Variants in TRPV4 observed in about 807,000 individuals in gnomAD.
TRPV4 encodes the protein transient receptor potential cation channel subfamily V member 4.
In TRPV4, 58 loss-of-function variants were observed where a neutral mutation model predicts 84.1. The observed-to-expected ratio is 0.69, with a 90% CI of 0.56 to 0.86. TRPV4 has a LOEUF of 0.86. TRPV4 is among the 40% of genes least tolerant of loss of function. The probability of loss-of-function intolerance (pLI) is 0.00; values close to 1 mark genes in which losing one functional copy is unlikely to be tolerated. For missense variants in TRPV4, 879 were observed against 1,181.1 expected, an observed-to-expected ratio of 0.74 and a Z score of 3.75; for synonymous variants, 489 against 500.9, an observed-to-expected ratio of 0.98 and a Z score of 0.32.
In TRPV4 at chr12:109,815,459, AT is replaced by A. The variant is rs1315559441; in HGVS notation, c.-31-633del. ...CATCAAACACTGTCATGATGAACCCATTTTACAGAACAGGAAACTGAGGCTC... is the reference window on the plus strand; with the variant it reads ...CATCAAACACTGTCATGATGAACCCATTTACAGAACAGGAAACTGAGGCTC... On this transcript the variant is annotated intron_variant, in intron 1 of 15. Transcript: ENST00000261740. This position sits in a 1 kb window ranked among gnomAD's most constrained non-coding sequence, Gnocchi z 4.1. 1.3e-5 allele frequency among the ~76,000 whole-genome samples: 2 copies of A among 152,118 alleles called. No homozygotes were observed. The highest frequency in any genetic ancestry group is 2.9e-5 in the Non-Finnish European group (2 of 68,022).
At position 109,803,451 on chromosome 12, in the gene TRPV4, T is replaced by G. The variant is rs565545409; in HGVS notation, c.560-308A>C. On this transcript the variant is annotated intron_variant, in intron 3 of 15. Transcript: ENST00000261740. Reference sequence around the variant, plus strand: ...AGATTTTGTATTTATTTTTATTTATTAATATCCTTTTTTTTGAGAGAGAGG... The same window carrying G: ...AGATTTTGTATTTATTTTTATTTATGAATATCCTTTTTTTTGAGAGAGAGG... Among the ~76,000 whole-genome samples, 16 of 152,282 alleles carry G rather than the reference T, an allele frequency of 1.1e-4. No individual in the cohort carries two copies. In the South Asian group the frequency reaches 1.7e-3, roughly 16 times the overall value.
chr12:109,825,186 A>C (rs1291926804), intron 1 of TRPV4, among the ~76,000 whole-genome samples: 1 of 152,100 alleles, frequency 6.6e-6, no homozygotes, highest in African/African-American at 2.4e-5. Flanking sequence ...TACAAAAAAT[A>C]AATAAATTTA....
At chr12:109,800,522 G>T in intron 5 of TRPV4, 96 bp downstream of exon 5, 2 of 1,502,302 alleles carry the variant, frequency 1.3e-6, no homozygotes, top group Non-Finnish European at 1.8e-6. Context: ...CTGGGTGTCT[G>T]GGTGATGGTC....
Position 109,794,327 on chromosome 12 carries a change from ACTGTGCCCTCCAGCGG to A in TRPV4, c.1477_1491+1del. On this transcript the variant is annotated splice_donor_variant and coding_sequence_variant, in exon 8 of 16. Transcript: ENST00000261740. LOFTEE classifies it high-confidence loss of function. ...GCCCCTGCCCGGTCCCCGGGCACTC[ACTGTGCCCTCCAGCGG>A]CTGGTAGTAGGCGGTGAGAGTGAAG... is the stretch of plus-strand genomic sequence containing the variant. 1 of 1,611,546 alleles carries A rather than the reference ACTGTGCCCTCCAGCGG, an allele frequency of 6.2e-7. No individual in the cohort carries two copies. The highest frequency in any genetic ancestry group is 8.5e-7 in the Non-Finnish European group (1 of 1,179,932).
Position 109,822,692 on chromosome 12 carries a change from C to A in TRPV4, c.-31-7865G>T, listed in dbSNP as rs117768232. Among the ~76,000 whole-genome samples, 16 of 152,274 alleles carry A rather than the reference C, an allele frequency of 1.1e-4. No individual in the cohort carries two copies. In the East Asian group the frequency reaches 3.1e-3, roughly 29 times the overall value. On this transcript the variant is annotated intron_variant, in intron 1 of 15. Transcript: ENST00000261740. ...AATGGAGTGGGGGATGGGTCGCAGT[C>A]CCTGACGAACCACCAGTTCACCAGC...
chr12:109,799,441 G>A (rs903661576), intron 5 of TRPV4, among the ~76,000 whole-genome samples: 1 of 152,188 alleles, frequency 6.6e-6, no homozygotes, highest in Non-Finnish European at 1.5e-5. Context: ...GAGCCACCGC[G>A]CCCAGCTGAT....
intron 1 of TRPV4, among the ~76,000 whole-genome samples, chr12:109,832,976 G>T (rs1892456548): frequency 6.6e-6 from 1 of 152,136 alleles, no homozygotes; most frequent in Admixed American, 6.5e-5. Flanking sequence ...CAGGGGCCAA[G>T]GGCAAACCTT....
intron 5 of TRPV4, among the ~76,000 whole-genome samples, chr12:109,800,369 C>T (rs965161667): frequency 2.0e-5 from 3 of 151,840 alleles, no homozygotes; most frequent in East Asian, 1.9e-4. Flanking sequence ...TGTGAGACAC[C>T]GTGCCTGGCT....
chr12:109,833,004 T>C (rs1036997134), intron 1 of TRPV4, among the ~76,000 whole-genome samples: 2 of 152,098 alleles, frequency 1.3e-5, no homozygotes, highest in Admixed American at 1.3e-4. Flanking sequence ...CCGAAATCCC[T>C]CTTCCAAGTC....
At chr12:109,785,383 T>TA (rs980874763) in intron 14 of TRPV4, among the ~76,000 whole-genome samples, 42 of 152,064 alleles carry the variant, frequency 2.8e-4, no homozygotes, top group African/African-American at 9.6e-4. Context: ...CTTTTTTTTT[T>TA]ACATATTATC....
rs973372997 is a variant in TRPV4, at chr12:109,789,926, A to T, written c.1892-1210T>A. ...CTGTTTATGTCATGTCAGCCTCAGA[A>T]TTGAGATCTAGTGCATCCTATAAGG... On this transcript the variant is annotated intron_variant, in intron 12 of 15. Coordinates refer to ENST00000261740, the MANE Select transcript of TRPV4 (RefSeq NM_021625.5). Among the ~76,000 whole-genome samples the T allele has an allele frequency of 1.3e-5, 2 of 152,230 alleles. 1 individual carries two copies. The highest frequency in any genetic ancestry group is 1.3e-4 in the Admixed American group (2 of 15,282).
Position 109,796,713 on chromosome 12 carries a change from G to A in TRPV4, c.1153-9C>T. The A allele has an allele frequency of 5.0e-6, 8 of 1,605,748 alleles. No individual in the cohort carries two copies. Among genetic ancestry groups the A allele is most frequent in the South Asian group, 1.1e-5 (1 of 90,484 alleles). ...ATGATGTGCTGAAAGATCTGCACAG[G>A]GGGCCAGGAGGGTCAGGGGGCTCAC... On this transcript the variant is annotated splice_polypyrimidine_tract_variant and intron_variant, in intron 6 of 15. Coordinates refer to ENST00000261740, the MANE Select transcript of TRPV4 (RefSeq NM_021625.5). The surrounding 1 kb of genome is among the most constrained non-coding windows in gnomAD (Gnocchi z 4.2).
intron 1 of TRPV4, among the ~76,000 whole-genome samples, chr12:109,825,846 A>G (rs1441279134): frequency 1.3e-5 from 2 of 152,196 alleles, no homozygotes; most frequent in Non-Finnish European, 2.9e-5. Flanking sequence ...AGCCCAAGGC[A>G]GCAGAAAACC....
chr12:109,802,130 CTTTTT>C (rs35214010), intron 4 of TRPV4, among the ~76,000 whole-genome samples: 1 of 134,318 alleles, frequency 7.4e-6, no homozygotes, highest in Admixed American at 7.6e-5. Flanking sequence ...ATCTTGGAAT[CTTTTT>C]TTTTTTTTTT....
chr12:109,807,662 G>A (rs1891231741), intron 3 of TRPV4, among the ~76,000 whole-genome samples: 1 of 152,198 alleles, frequency 6.6e-6, no homozygotes. Flanking sequence ...GGTGTTCACA[G>A]GTAAGGCCTG....
At chr12:109,812,624 T>C (rs546125881) in intron 2 of TRPV4, among the ~76,000 whole-genome samples, 4 of 151,748 alleles carry the variant, frequency 2.6e-5, no homozygotes, top group Non-Finnish European at 4.4e-5. Flanking sequence ...GGTGAATGAA[T>C]TGGTGGTTAG....
intron 1 of TRPV4, among the ~76,000 whole-genome samples, chr12:109,832,010 G>A (rs752122068): frequency 6.6e-6 from 1 of 152,228 alleles, no homozygotes; most frequent in African/African-American, 2.4e-5. Context: ...TTGGGGCAAC[G>A]ACAACTGGTT....
intron 1 of TRPV4, among the ~76,000 whole-genome samples, chr12:109,821,160 T>A (rs1306248150): frequency 2.0e-4 from 30 of 152,252 alleles, no homozygotes; most frequent in Admixed American, 1.9e-3. Context: ...GCAAACCTGC[T>A]CCGCCCCAGC....
chr12:109,821,715 A>G (rs977228638), intron 1 of TRPV4, among the ~76,000 whole-genome samples: 2 of 152,050 alleles, frequency 1.3e-5, no homozygotes, highest in African/African-American at 4.8e-5. Context: ...TATTTTTAGT[A>G]GAGGCAGGGT....
Sources: gnomAD v4.1 joint callset for allele counts (sites outside exome capture counted in the v4.1 genomes callset) on GRCh38, gnomAD v4.1.1 for gene constraint, Gnocchi (gnomAD v3.1) non-coding constraint, MANE v1.5 for transcripts, NCBI Gene and HGNC (gene_info 2026-07-23, HGNC 2026-07-21) for gene names.